TRPM3: variants seen among roughly 807,000 people sequenced by gnomAD.
TRPM3 encodes long transient receptor potential channel 3.
TRPM3 carries 77 observed loss-of-function variants against 181.2 expected under a neutral mutation model. That is an observed-to-expected ratio of 0.42 (90% CI 0.35 to 0.51). The LOEUF (loss-of-function observed/expected upper bound fraction) is 0.51. Among genes scored for constraint, TRPM3 ranks in the 20% least tolerant of loss-of-function variants. The pLI is 0.01. For synonymous variants in TRPM3, 745 were observed against 796.4 expected (o/e 0.94, Z 1.09); for missense variants, 1,759 against 2,196.7 (o/e 0.80, Z 3.98).
chr9:71,293,708 A>C (rs2086019158), intron 1 of TRPM3, among the ~76,000 whole-genome samples: 1 of 151,954 alleles, frequency 6.6e-6, no homozygotes, highest in African/African-American at 2.4e-5. Flanking sequence ...GTTTCAAATA[A>C]CTTGACAGAA....
chr9:70,788,059 T>C (rs1235852103), intron 6 of TRPM3, among the ~76,000 whole-genome samples: 1 of 150,032 alleles, frequency 6.7e-6, no homozygotes, highest in Non-Finnish European at 1.5e-5. Flanking sequence ...ATATGCACAT[T>C]GTGCAGGTTA....
intron 8 of TRPM3, among the ~76,000 whole-genome samples, chr9:70,686,625 C>T (rs2066882509): frequency 2.4e-5 from 2 of 84,834 alleles, no homozygotes; most frequent in African/African-American, 9.5e-5. Context: ...TTCCTGGAAA[C>T]TCCTTCCTCC....
intron 8 of TRPM3, among the ~76,000 whole-genome samples, chr9:70,684,493 A>T (rs970026857): frequency 2.0e-5 from 3 of 152,194 alleles, no homozygotes; most frequent in Non-Finnish European, 4.4e-5. Flanking sequence ...TCTTGCCTGG[A>T]CTAACCTGAG....
intron 1 of TRPM3, among the ~76,000 whole-genome samples, chr9:71,023,521 A>C (rs1312802004): frequency 6.6e-6 from 1 of 152,136 alleles, no homozygotes; most frequent in Non-Finnish European, 1.5e-5. Flanking sequence ...CACCCAAAAA[A>C]ACCTGTGCAT....
At chr9:71,296,783 T>C (rs1040296893) in intron 1 of TRPM3, among the ~76,000 whole-genome samples, 1 of 151,992 alleles carries the variant, frequency 6.6e-6, no homozygotes, top group South Asian at 2.1e-4. Flanking sequence ...CACACTGAGA[T>C]GGTAGCAATA....
At chr9:71,176,791 T>C (rs1255284449) in intron 1 of TRPM3, among the ~76,000 whole-genome samples, 1 of 152,148 alleles carries the variant, frequency 6.6e-6, no homozygotes, top group Non-Finnish European at 1.5e-5. Context: ...GTATTTTCCA[T>C]GTTTAAATAC....
At chr9:70,874,906 A>G (rs1032243684) in intron 1 of TRPM3, among the ~76,000 whole-genome samples, 14 of 151,940 alleles carry the variant, frequency 9.2e-5, no homozygotes, top group Non-Finnish European at 4.4e-5. Context: ...ATACATGTAT[A>G]TTATATATGC....
intron 1 of TRPM3, among the ~76,000 whole-genome samples, chr9:71,003,713 C>A (rs763177261): frequency 6.6e-6 from 1 of 152,098 alleles, no homozygotes; most frequent in Admixed American, 6.5e-5. Flanking sequence ...ATTTTAAATA[C>A]CATTTGCAGT....
chr9:71,419,117 G>A (rs2093687746), intron 1 of TRPM3, among the ~76,000 whole-genome samples: 1 of 151,502 alleles, frequency 6.6e-6, no homozygotes, highest in Admixed American at 6.6e-5. Flanking sequence ...AGCTCTTATA[G>A]GTTTTGCTCA....
chr9:71,127,731 A>T (rs2074131390), intron 1 of TRPM3, among the ~76,000 whole-genome samples: 1 of 152,210 alleles, frequency 6.6e-6, no homozygotes. Flanking sequence ...TACCACTGGC[A>T]GTGTATGTAG....
intron 3 of TRPM3, among the ~76,000 whole-genome samples, chr9:70,849,429 G>A (rs995368254): frequency 3.6e-4 from 55 of 152,168 alleles, no homozygotes; most frequent in African/African-American, 1.3e-3. Flanking sequence ...ACAGGCGTGA[G>A]CCACCACACC....
At chr9:71,096,135 A>T (rs1056187038) in intron 1 of TRPM3, among the ~76,000 whole-genome samples, 7 of 152,014 alleles carry the variant, frequency 4.6e-5, no homozygotes, top group African/African-American at 1.7e-4. Context: ...AATGTTTCAA[A>T]ACTAAGTTCA....
At chr9:71,133,849 A>C (rs1374593915) in intron 1 of TRPM3, among the ~76,000 whole-genome samples, 2 of 152,180 alleles carry the variant, frequency 1.3e-5, no homozygotes, top group African/African-American at 4.8e-5. Flanking sequence ...AAGCACAGAC[A>C]AACACTTACT....
At chr9:71,036,729 C>T (rs1234400070) in intron 1 of TRPM3, among the ~76,000 whole-genome samples, 1 of 152,222 alleles carries the variant, frequency 6.6e-6, no homozygotes, top group Non-Finnish European at 1.5e-5. Flanking sequence ...TAGCTGCCTA[C>T]CATCATGAAG....
chr9:71,125,592 A>G (rs1282582597), upstream of TRPM3, among the ~76,000 whole-genome samples: 1 of 152,058 alleles, frequency 6.6e-6, no homozygotes, highest in African/African-American at 2.4e-5. Context: ...TATCTAGTCC[A>G]TCATTGATGT....
rs556103810 is a variant in TRPM3 at position 71,091,173 on chromosome 9, C to T, written c.177+30005G>A. Among the ~76,000 whole-genome samples the T allele has an allele frequency of 2.4e-3, 370 of 152,266 alleles. 3 individuals are homozygous for T. In the Middle Eastern group the frequency reaches 0.031, roughly 13 times the overall value. On this transcript the variant is annotated intron_variant, in intron 1 of 25. Coordinates refer to ENST00000677713, the MANE Select transcript of TRPM3 (RefSeq NM_001366145.2). ...GCTTACCATTCTCTTACAGACAAGA[C>T]ATTTTATTCTTTGGTATGCTGACAG... is the stretch of plus-strand genomic sequence containing the variant.
chr9:71,017,685 A>C (rs2097795426), intron 1 of TRPM3, among the ~76,000 whole-genome samples: 1 of 151,874 alleles, frequency 6.6e-6, no homozygotes, highest in Admixed American at 6.6e-5. Context: ...ATATAATCTT[A>C]AAATTTATAA....
At chr9:70,624,875 A>C (rs1041269233) in intron 14 of TRPM3, among the ~76,000 whole-genome samples, 4 of 152,192 alleles carry the variant, frequency 2.6e-5, no homozygotes, top group Non-Finnish European at 5.9e-5. Context: ...AAAATGGATT[A>C]AATATTTTTA....
chr9:71,267,878 T>A (rs1335995350), intron 1 of TRPM3, among the ~76,000 whole-genome samples: 1 of 152,050 alleles, frequency 6.6e-6, no homozygotes, highest in Non-Finnish European at 1.5e-5. Context: ...TCTTCCTGGC[T>A]ACTGTTACCA....
Sources: gnomAD v4.1 joint callset for allele counts (sites outside exome capture counted in the v4.1 genomes callset) on GRCh38, gnomAD v4.1.1 for gene constraint, MANE v1.5 for transcripts, NCBI Gene and HGNC (gene_info 2026-07-23, HGNC 2026-07-21) for gene names.